Variants in MTUS2 observed in about 807,000 individuals in gnomAD.
MTUS2 encodes the protein microtubule-associated tumor suppressor candidate 2.
MTUS2 carries 40 observed loss-of-function variants against 114.1 expected under a neutral mutation model. The observed-to-expected ratio is 0.35, with a 90% CI of 0.27 to 0.46. MTUS2 has a LOEUF of 0.46. Ranked by LOEUF, MTUS2 falls within the 20% of genes least tolerant of loss-of-function variation. The pLI is 1.00. For synonymous variants in MTUS2, 688 were observed against 672.0 expected (o/e 1.02, Z -0.37); for missense variants, 1,679 against 1,705.4 (o/e 0.98, Z 0.27).
chr13:29,354,891 C>G (rs1215467818), intron 7 of MTUS2, among the ~76,000 whole-genome samples: 2 of 152,192 alleles, frequency 1.3e-5, no homozygotes, highest in Non-Finnish European at 2.9e-5. Flanking sequence ...GCAGGGACTC[C>G]CTAGAGTGTC....
intron 4 of MTUS2, among the ~76,000 whole-genome samples, chr13:29,037,681 C>T (rs907517991): frequency 2.6e-5 from 4 of 152,146 alleles, no homozygotes; most frequent in Non-Finnish European, 4.4e-5. Context: ...TTCACATGGT[C>T]CCATATTTCT....
intron 4 of MTUS2, among the ~76,000 whole-genome samples, chr13:29,070,434 AAG>A (rs1431300110): frequency 6.6e-6 from 1 of 152,188 alleles, no homozygotes; most frequent in Non-Finnish European, 1.5e-5. Flanking sequence ...CTAGGTTGAA[AAG>A]AGTTTTCAAC....
At chr13:28,970,121 A>G (rs538799637) in intron 2 of MTUS2, among the ~76,000 whole-genome samples, 2 of 152,346 alleles carry the variant, frequency 1.3e-5, no homozygotes, top group Admixed American at 1.3e-4. Flanking sequence ...GCCATCCTAC[A>G]GTGATAAAGA....
At chr13:29,072,706 C>G (rs1051169954) in intron 4 of MTUS2, among the ~76,000 whole-genome samples, 1 of 152,144 alleles carries the variant, frequency 6.6e-6, no homozygotes, top group Non-Finnish European at 1.5e-5. Flanking sequence ...TCTGATGTTT[C>G]TCCTGAAAAT....
At chr13:29,038,495 C>G (rs1178571187) in intron 4 of MTUS2, among the ~76,000 whole-genome samples, 1 of 152,220 alleles carries the variant, frequency 6.6e-6, no homozygotes, top group Non-Finnish European at 1.5e-5. Context: ...TGGGAGGTGT[C>G]TCCCAGTCAG....
At chr13:28,986,997 T>C (rs1168483533) in intron 2 of MTUS2, among the ~76,000 whole-genome samples, 1 of 152,202 alleles carries the variant, frequency 6.6e-6, no homozygotes, top group Non-Finnish European at 1.5e-5. Context: ...TACATTGTTA[T>C]ATACTCCCAT....
intron 2 of MTUS2, among the ~76,000 whole-genome samples, chr13:28,851,839 G>A (rs940360205): frequency 3.3e-5 from 5 of 152,164 alleles, no homozygotes; most frequent in African/African-American, 1.2e-4. Context: ...CTTGGCCTGG[G>A]GCACCGCTTC....
Position 28,820,565 on chromosome 13 carries a change from T to A in MTUS2, c.-362T>A, listed in dbSNP as rs557555931. Reference sequence around the variant, plus strand: ...GAGATGAGCGTCTCCGTGAGGGCAGTGGTGGCCTCTTGGACATTACATCTT... The same window carrying A: ...GAGATGAGCGTCTCCGTGAGGGCAGAGGTGGCCTCTTGGACATTACATCTT... On this transcript the variant is annotated 5_prime_UTR_variant, in exon 1 of 16. Transcript: ENST00000612955. 1.5e-4 allele frequency: 23 copies of A among 152,510 alleles called. No homozygotes were observed. The highest frequency in any genetic ancestry group is 1.3e-3 in the Admixed American group (20 of 15,288). 9.4% of individuals were successfully genotyped at this position (152,510 alleles called of 1,614,324 possible). A position where few individuals can be genotyped will look rare whatever the true frequency, so the allele number is the denominator to read the frequency against.
At chr13:29,252,299 T>C (rs545154271) in intron 5 of MTUS2, among the ~76,000 whole-genome samples, 3 of 152,166 alleles carry the variant, frequency 2.0e-5, no homozygotes, top group Non-Finnish European at 4.4e-5. Flanking sequence ...CTCGTTCCCG[T>C]GGACTTATTA....
chr13:29,379,697 G>A (rs955575218), intron 8 of MTUS2, among the ~76,000 whole-genome samples: 1 of 152,156 alleles, frequency 6.6e-6, no homozygotes, highest in Non-Finnish European at 1.5e-5. Flanking sequence ...GGGTGGAGAA[G>A]GAGAGAAGAA....
intron 5 of MTUS2, among the ~76,000 whole-genome samples, chr13:29,229,332 A>AT (rs1896234604): frequency 6.6e-6 from 1 of 151,998 alleles, no homozygotes; most frequent in Non-Finnish European, 1.5e-5. Flanking sequence ...ATTTTCACTC[A>AT]TTTTCTTGAC....
intron 2 of MTUS2, among the ~76,000 whole-genome samples, chr13:28,951,802 GA>G (rs1161563269): frequency 0.01 from 1,506 of 144,714 alleles, 30 homozygotes; most frequent in African/African-American, 0.034. Flanking sequence ...CTGGCTCAAA[GA>G]AAAAAAAAAA....
intron 6 of MTUS2, among the ~76,000 whole-genome samples, chr13:29,299,965 G>A (rs949636198): frequency 6.6e-6 from 1 of 152,002 alleles, no homozygotes; most frequent in African/African-American, 2.4e-5. Flanking sequence ...ATTTTGGAGG[G>A]GGGGGCACTT....
At chr13:29,329,491 A>G (rs1200715341) in intron 7 of MTUS2, among the ~76,000 whole-genome samples, 1 of 152,082 alleles carries the variant, frequency 6.6e-6, no homozygotes, top group Non-Finnish European at 1.5e-5. Flanking sequence ...ATGGCTGCAT[A>G]GTATTCCATG....
rs956749142 is a variant in MTUS2, at chr13:28,966,736, A to C, written c.-242-57721A>C. Among the ~76,000 whole-genome samples, 22 of 151,660 alleles carry C rather than the reference A, an allele frequency of 1.5e-4. No homozygotes were observed. In the South Asian group the frequency reaches 4.0e-3, roughly 27 times the overall value. Reference sequence around the variant, plus strand: ...TAAGACCCTGTCTCAAAAAAAAAAAAAAAAAAAAAAAACAAAGAACTGATT... The same window carrying C: ...TAAGACCCTGTCTCAAAAAAAAAAACAAAAAAAAAAAACAAAGAACTGATT... On this transcript the variant is annotated intron_variant, in intron 2 of 15. Transcript: ENST00000612955.
chr13:29,195,510 C>A (rs933056366), intron 5 of MTUS2, among the ~76,000 whole-genome samples: 1 of 127,730 alleles, frequency 7.8e-6, no homozygotes, highest in African/African-American at 3.0e-5. Context: ...TATATATGTG[C>A]ATTCCATCAC....
intron 4 of MTUS2, among the ~76,000 whole-genome samples, chr13:29,064,272 C>T (rs1338194408): frequency 2.6e-5 from 4 of 151,802 alleles, no homozygotes; most frequent in African/African-American, 9.7e-5. Flanking sequence ...CTTTAGGAAA[C>T]GGGCCAGTTT....
At chr13:29,399,969 G>T (rs1874198887) in intron 8 of MTUS2, among the ~76,000 whole-genome samples, 1 of 152,164 alleles carries the variant, frequency 6.6e-6, no homozygotes, top group Admixed American at 6.5e-5. Context: ...CAAAAAGAAG[G>T]CTTGTATATT....
chr13:28,922,337 T>C (rs1881089317), intron 2 of MTUS2, among the ~76,000 whole-genome samples: 1 of 152,192 alleles, frequency 6.6e-6, no homozygotes. Context: ...AACAGACTAA[T>C]ACATTGTGTG....
Sources: allele counts gnomAD v4.1 joint callset (sites outside exome capture counted in the v4.1 genomes callset), GRCh38; gene constraint gnomAD v4.1.1; transcripts MANE v1.5; gene names NCBI Gene and HGNC (gene_info 2026-07-23, HGNC 2026-07-21).